Variants in PCNP observed in about 807,000 individuals in gnomAD.
PCNP encodes the protein PEST proteolytic signal-containing nuclear protein.
In PCNP, 6 loss-of-function variants were observed where a neutral mutation model predicts 21.8. The ratio of observed to expected loss-of-function variants is 0.28; its 90% CI spans 0.15 to 0.54. PCNP has a LOEUF of 0.54. Among genes scored for constraint, PCNP ranks in the 20% least tolerant of loss-of-function variants. The pLI is 0.95. For synonymous variants in PCNP, 67 were observed against 73.2 expected (o/e 0.92, Z 0.43); for missense variants, 161 against 215.5 (o/e 0.75, Z 1.58).
chr3:101,576,582 C>T, intron 1 of PCNP: 1 of 1,611,046 alleles, frequency 6.2e-7, no homozygotes, highest in Non-Finnish European at 8.5e-7. Context: ...AGTGACGCAG[C>T]CCTCTATGGG....
chr3:101,587,518 G>A (rs1158666738), intron 3 of PCNP, among the ~76,000 whole-genome samples: 1 of 151,754 alleles, frequency 6.6e-6, no homozygotes, highest in Non-Finnish European at 1.5e-5. Context: ...AATCAGAAAC[G>A]TTCACCTAGG....
intron 3 of PCNP, 54 bp from the exon 4 acceptor site, chr3:101,590,161 G>A: frequency 1.1e-6 from 1 of 916,940 alleles, no homozygotes. Context: ...TTAGTAATCA[G>A]GAATTGAATA....
At chr3:101,592,087 A>G (rs575482270) in intron 4 of PCNP, among the ~76,000 whole-genome samples, 114 of 151,922 alleles carry the variant, frequency 7.5e-4, no homozygotes, top group African/African-American at 2.4e-3. Flanking sequence ...CTCACCCCCA[A>G]TTTAGGCCTG....
intron 1 of PCNP, 62 bp downstream of exon 1, chr3:101,574,341 AGGGTGGGGGGAGTG>A: frequency 4.1e-6 from 2 of 492,344 alleles, no homozygotes; most frequent in African/African-American, 2.2e-5. Context: ...TTGAGCTCCC[AGGGTGGGGGGAGTG>A]GGGTGGGGCG....
chr3:101,580,107 ATT>A, intron 2 of PCNP, 103 bp downstream of exon 2: 1 of 782,780 alleles, frequency 1.3e-6, no homozygotes, highest in Non-Finnish European at 2.2e-6. Context: ...GAAAAGGTAC[ATT>A]GTTTGAGAAG....
In PCNP at chr3:101,590,044, AT is replaced by A. The variant is rs1293632262; in HGVS notation, c.355-168del. 4 of 594,818 alleles carry A rather than the reference AT, an allele frequency of 6.7e-6. No individual in the cohort carries two copies. The African/African-American group carries it at 7.6e-5, about 11-fold the overall frequency. The allele number at this position is 594,818 out of a possible 1,614,324, so 36.8% of individuals were successfully genotyped here. A position where few individuals can be genotyped will look rare whatever the true frequency, so the allele number is the denominator to read the frequency against. The stretch of plus-strand genomic sequence containing the variant: ...AAAATCAGCACCGTAGAAGACAGGC[AT>A]TTATTTTTTAAATGTAGTTAAGGTA... On this transcript the variant is annotated intron_variant, in intron 3 of 4. Transcript: ENST00000265260.
At chr3:101,586,886 A>G (rs1313849243) in intron 3 of PCNP, among the ~76,000 whole-genome samples, 1 of 152,136 alleles carries the variant, frequency 6.6e-6, no homozygotes, top group East Asian at 1.9e-4. Context: ...ATATGTTCAG[A>G]GGACTGGAGT....
chr3:101,587,354 G>C (rs1469316545), intron 3 of PCNP, among the ~76,000 whole-genome samples: 1 of 152,046 alleles, frequency 6.6e-6, no homozygotes, highest in Non-Finnish European at 1.5e-5. Flanking sequence ...GTTTTGTAGA[G>C]GAATTTTGAG....
intron 1 of PCNP, among the ~76,000 whole-genome samples, chr3:101,575,143 C>T (rs1047093188): frequency 1.3e-5 from 2 of 152,174 alleles, no homozygotes; most frequent in African/African-American, 4.8e-5. Context: ...TCTCCAGCTC[C>T]CTCTTTGCAC....
At chr3:101,592,519 G>A (rs1021541626) in intron 4 of PCNP, 108 bp from the exon 5 acceptor site, 1 of 831,108 alleles carries the variant, frequency 1.2e-6, no homozygotes, top group South Asian at 2.0e-5. Context: ...CCAGTGTTCA[G>A]TCTGTGTTTA....
intron 2 of PCNP, among the ~76,000 whole-genome samples, chr3:101,583,549 G>A (rs1445650880): frequency 9.9e-5 from 15 of 152,154 alleles, no homozygotes; most frequent in Non-Finnish European, 1.5e-5. Flanking sequence ...CAGGGAGGTC[G>A]AGGCTGCAGT....
intron 1 of PCNP, among the ~76,000 whole-genome samples, chr3:101,578,682 C>A (rs1013314472): frequency 6.6e-6 from 1 of 152,182 alleles, no homozygotes; most frequent in African/African-American, 2.4e-5. Flanking sequence ...CTGTATAGAT[C>A]TATATCTATA....
chr3:101,577,094 G>C (rs952262171), intron 1 of PCNP: 18 of 652,704 alleles, frequency 2.8e-5, no homozygotes, highest in South Asian at 2.0e-4. Context: ...CGAAGTGCTG[G>C]GATTACAGGC....
intron 1 of PCNP, among the ~76,000 whole-genome samples, chr3:101,578,847 T>C (rs545438690): frequency 2.0e-4 from 30 of 152,328 alleles, no homozygotes; most frequent in Middle Eastern, 6.8e-3. Flanking sequence ...CAGTGTAGCA[T>C]AATACATTCC....
chr3:101,587,801 G>A (rs1245215675), intron 3 of PCNP, among the ~76,000 whole-genome samples: 1 of 152,072 alleles, frequency 6.6e-6, no homozygotes, highest in African/African-American at 2.4e-5. Flanking sequence ...TGTACAGACT[G>A]TAGGAGGGAA....
chr3:101,587,613 T>G (rs923809137), intron 3 of PCNP, among the ~76,000 whole-genome samples: 1 of 150,738 alleles, frequency 6.6e-6, no homozygotes, highest in African/African-American at 2.4e-5. Context: ...CTGTGGAAAT[T>G]GAGAGAAGGA....
chr3:101,588,813 A>T (rs1935663901), intron 3 of PCNP, among the ~76,000 whole-genome samples: 1 of 152,256 alleles, frequency 6.6e-6, no homozygotes, highest in South Asian at 2.1e-4. Context: ...CACAAAAGTG[A>T]TGCCAAGTTA....
intron 3 of PCNP, among the ~76,000 whole-genome samples, chr3:101,587,567 A>G (rs1369882794): frequency 1.3e-5 from 2 of 151,846 alleles, no homozygotes; most frequent in Non-Finnish European, 2.9e-5. Context: ...GTAAAACAGT[A>G]CAAGATAAAA....
At chr3:101,575,118 A>C (rs1934796560) in intron 1 of PCNP, among the ~76,000 whole-genome samples, 1 of 152,182 alleles carries the variant, frequency 6.6e-6, no homozygotes, top group South Asian at 2.1e-4. Flanking sequence ...TGCGTGAAGG[A>C]AAAGAAACGT....
Sources: gnomAD v4.1 joint callset for allele counts (sites outside exome capture counted in the v4.1 genomes callset) on GRCh38, gnomAD v4.1.1 for gene constraint, MANE v1.5 for transcripts, NCBI Gene and HGNC (gene_info 2026-07-23, HGNC 2026-07-21) for gene names.